The following NCALD variants were observed in gnomAD, a reference collection of about 807,000 sequenced individuals.
NCALD encodes neurocalcin delta.
A neutral mutation model predicts 18.6 loss-of-function variants in NCALD; 10 were observed. The ratio of observed to expected loss-of-function variants is 0.54; its 90% CI spans 0.33 to 0.91. NCALD has a LOEUF of 0.91. NCALD is among the 40% of genes least tolerant of loss of function. NCALD has a pLI of 0.03. For missense variants in NCALD, 184 were observed against 247.6 expected (o/e 0.74, Z 1.72); for synonymous variants, 88 against 87.4 (o/e 1.01, Z -0.04).
chr8:101,936,974 G>A (rs1586786664), intron 2 of NCALD, among the ~76,000 whole-genome samples: 1 of 152,192 alleles, frequency 6.6e-6, no homozygotes, highest in South Asian at 2.1e-4. Context: ...CTGACTTAAA[G>A]TTTGGCTTAT....
At chr8:101,787,157 A>C (rs1224056960) in intron 1 of NCALD, among the ~76,000 whole-genome samples, 2 of 152,220 alleles carry the variant, frequency 1.3e-5, no homozygotes, top group Non-Finnish European at 2.9e-5. Context: ...TTTATGAAAA[A>C]TAATGGCACA....
intron 2 of NCALD, among the ~76,000 whole-genome samples, chr8:101,950,014 G>A (rs543431159): frequency 1.3e-5 from 2 of 152,296 alleles, no homozygotes; most frequent in African/African-American, 2.4e-5. Flanking sequence ...AATTAAAGCC[G>A]GAGCAGCTGA....
chr8:101,958,033 G>T (rs1420792810), intron 2 of NCALD, among the ~76,000 whole-genome samples: 1 of 152,134 alleles, frequency 6.6e-6, no homozygotes, highest in East Asian at 1.9e-4. Context: ...CGTAGCTCAG[G>T]GTTCAAACTC....
chr8:101,953,805 G>A (rs1198033450), intron 2 of NCALD, among the ~76,000 whole-genome samples: 1 of 152,264 alleles, frequency 6.6e-6, no homozygotes, highest in Non-Finnish European at 1.5e-5. Flanking sequence ...TATCAAAACT[G>A]AGGGGGTAAT....
intron 4 of NCALD, among the ~76,000 whole-genome samples, chr8:101,829,376 T>C (rs1814076604): frequency 6.6e-6 from 1 of 152,202 alleles, no homozygotes; most frequent in African/African-American, 2.4e-5. Context: ...TCACTACCCA[T>C]CTCATTATAC....
chr8:101,950,201 T>C (rs898908232), intron 2 of NCALD: 7 of 152,348 alleles, frequency 4.6e-5, no homozygotes, highest in Admixed American at 2.0e-4. Flanking sequence ...GAGACAACAG[T>C]AATGAAATTT....
At chr8:101,861,879 G>C (rs867215753) in intron 4 of NCALD, among the ~76,000 whole-genome samples, 2 of 152,178 alleles carry the variant, frequency 1.3e-5, no homozygotes, top group Non-Finnish European at 2.9e-5. Flanking sequence ...CCTGGGTCTC[G>C]ACTTCATGTC....
chr8:101,709,149 G>A (rs189049243), intron 2 of NCALD, among the ~76,000 whole-genome samples: 26 of 152,346 alleles, frequency 1.7e-4, no homozygotes, highest in African/African-American at 5.3e-4. Context: ...CAGAATTTTC[G>A]AGAGTTTAAA....
intron 2 of NCALD, among the ~76,000 whole-genome samples, chr8:102,019,094 A>T (rs1279710928): frequency 6.6e-6 from 1 of 152,110 alleles, no homozygotes; most frequent in African/African-American, 2.4e-5. Context: ...CAATTTTTTC[A>T]CATTTTTAAG....
At chr8:101,847,400 C>G (rs111844314) in intron 4 of NCALD, 1 of 199,890 alleles carries the variant, frequency 5.0e-6, no homozygotes, top group Non-Finnish European at 1.1e-5. Flanking sequence ...GGACATGATG[C>G]CTTCTAGAAG....
chr8:101,736,643 G>C (rs1809928385), intron 1 of NCALD, among the ~76,000 whole-genome samples: 2 of 152,246 alleles, frequency 1.3e-5, no homozygotes, highest in African/African-American at 4.8e-5. Flanking sequence ...GGAAATGGTA[G>C]CTATGGCTCA....
chr8:101,995,893 A>C (rs190165000), intron 2 of NCALD, among the ~76,000 whole-genome samples: 1 of 152,346 alleles, frequency 6.6e-6, no homozygotes, highest in East Asian at 1.9e-4. Flanking sequence ...ATCTCTTCTA[A>C]GAGCATCCTA....
chr8:102,099,895 C>T (rs905219697), intron 1 of NCALD, among the ~76,000 whole-genome samples: 2 of 151,608 alleles, frequency 1.3e-5, no homozygotes, highest in Admixed American at 6.6e-5. Context: ...TCACTTGAAC[C>T]CGGGAGACAG....
intron 2 of NCALD, among the ~76,000 whole-genome samples, chr8:101,962,228 A>C (rs1411946553): frequency 1.3e-5 from 2 of 152,234 alleles, no homozygotes; most frequent in Non-Finnish European, 2.9e-5. Flanking sequence ...AAAACAATGC[A>C]ATGTGTCTTA....
intron 1 of NCALD, among the ~76,000 whole-genome samples, chr8:101,733,020 T>C (rs926427668): frequency 3.9e-5 from 6 of 152,210 alleles, no homozygotes; most frequent in Non-Finnish European, 8.8e-5. Flanking sequence ...ACTGCCATGA[T>C]AAATTCATGC....
intron 2 of NCALD, among the ~76,000 whole-genome samples, chr8:101,943,906 A>G (rs1819059756): frequency 6.6e-6 from 1 of 151,986 alleles, no homozygotes; most frequent in Admixed American, 6.6e-5. Flanking sequence ...ACACCGCTGC[A>G]CTCCAGCCTG....
At chr8:101,734,271 C>T (rs1816977607) in intron 1 of NCALD, among the ~76,000 whole-genome samples, 1 of 152,216 alleles carries the variant, frequency 6.6e-6, no homozygotes, top group Non-Finnish European at 1.5e-5. Flanking sequence ...AATTCCTACA[C>T]ACTCACCCTG....
At chr8:101,713,844 C>T (rs1815933653) in intron 2 of NCALD, among the ~76,000 whole-genome samples, 1 of 152,124 alleles carries the variant, frequency 6.6e-6, no homozygotes, top group South Asian at 2.1e-4. Context: ...CCGAATTCTA[C>T]CAGAGGTACA....
chr8:101,812,164 C>A (rs1331212748), intron 4 of NCALD, among the ~76,000 whole-genome samples: 1 of 152,120 alleles, frequency 6.6e-6, no homozygotes, highest in East Asian at 1.9e-4. Context: ...GAACCAAATG[C>A]AAGTTCTCTC....
Sources: gnomAD v4.1 joint callset for allele counts (sites outside exome capture counted in the v4.1 genomes callset) on GRCh38, gnomAD v4.1.1 for gene constraint, MANE v1.5 for transcripts, NCBI Gene and HGNC (gene_info 2026-07-23, HGNC 2026-07-21) for gene names.